The following HIPK3 variants were observed in gnomAD, a reference collection of about 807,000 sequenced individuals.
HIPK3 encodes the protein homeodomain interacting protein kinase 3.
Under a neutral mutation model 124.2 loss-of-function variants are expected in HIPK3, and 47 were observed. That is an observed-to-expected ratio of 0.38 (90% CI 0.30 to 0.48). The LOEUF (loss-of-function observed/expected upper bound fraction) is 0.48, where lower values mean the gene tolerates loss of function less well. Among genes scored for constraint, HIPK3 ranks in the 20% least tolerant of loss-of-function variants. The probability of loss-of-function intolerance (pLI) is 0.98; values close to 1 mark genes in which losing one functional copy is unlikely to be tolerated. For missense variants in HIPK3, 1,286 were observed against 1,454.3 expected (o/e 0.88, Z 1.88); for synonymous variants, 482 against 515.2 (o/e 0.94, Z 0.87).
At position 33,287,062 on chromosome 11, in the gene HIPK3, A is replaced by G; in HGVS notation, c.648A>G (p.Lys216=). 6.2e-7 allele frequency: 1 copy of G among 1,614,216 alleles called. No homozygotes were observed. Among genetic ancestry groups the G allele is most frequent in the Non-Finnish European group, 8.5e-7 (1 of 1,180,034 alleles). The part of the protein sequence containing the change: ...GTFGQVVKCW[K]RGTNEIVAIK... Reference sequence around the variant, plus strand: ...TTGGCCAGGTAGTTAAATGCTGGAAAAGAGGGACAAATGAAATTGTAGCAA... The same window carrying G: ...TTGGCCAGGTAGTTAAATGCTGGAAGAGAGGGACAAATGAAATTGTAGCAA... The change falls in exon 2 of 17, where the codon AAA becomes AAG. Residue 216 remains lysine, a synonymous_variant. Coordinates refer to ENST00000303296, the MANE Select transcript of HIPK3 (RefSeq NM_005734.5).
chr11:33,343,479 C>T (rs1042642527), intron 8 of HIPK3, among the ~76,000 whole-genome samples: 9 of 151,902 alleles, frequency 5.9e-5, no homozygotes, highest in Admixed American at 2.0e-4. Context: ...AGGGTTTCAC[C>T]ATGTTGGCCA....
At chr11:33,310,719 A>G (rs1030618038) in intron 2 of HIPK3, among the ~76,000 whole-genome samples, 1 of 152,248 alleles carries the variant, frequency 6.6e-6, no homozygotes, top group African/African-American at 2.4e-5. Context: ...GAGATAGTAC[A>G]AATAGTACAG....
At chr11:33,337,413 T>C (rs1315184102) in intron 4 of HIPK3, among the ~76,000 whole-genome samples, 2 of 152,142 alleles carry the variant, frequency 1.3e-5, no homozygotes, top group African/African-American at 4.8e-5. Flanking sequence ...TGGAGTGCAG[T>C]GGCGCCATCT....
intron 1 of HIPK3, chr11:33,258,411 C>T: frequency 2.0e-6 from 2 of 985,656 alleles, no homozygotes; most frequent in Non-Finnish European, 2.4e-6. Context: ...CTTTGTGGCC[C>T]CGTCCCCAGC....
rs1218020150 is a variant in HIPK3 at position 33,286,771 on chromosome 11, A to G, written c.357A>G (p.Leu119=). ...IGAWRNRLHF[L]EGPQRCGLKR... Reference sequence around the variant, plus strand: ...CGTGGCGAAACAGATTGCATTTCCTAGAAGGCCCCCAGCGATGTGGATTGA... The same window carrying G: ...CGTGGCGAAACAGATTGCATTTCCTGGAAGGCCCCCAGCGATGTGGATTGA... Residue 119 remains leucine (L), a synonymous_variant, in exon 2 of 17, where the codon CTA becomes CTG. Transcript: ENST00000303296. 2 of 1,614,098 alleles carry G rather than the reference A, an allele frequency of 1.2e-6. No homozygotes were observed. Among genetic ancestry groups the G allele is most frequent in the Admixed American group, 3.3e-5 (2 of 60,014 alleles).
rs1437791840 is a variant in HIPK3, at chr11:33,356,597, G to GA, written c.*3030dup. On this transcript the variant is annotated 3_prime_UTR_variant, in exon 17 of 17. Coordinates refer to ENST00000303296, the MANE Select transcript of HIPK3 (RefSeq NM_005734.5). ...TTAAAATCTGCTAATTTTAAACTTG[G>GA]ACTGTGTTAAGTAAAAGTTAAATCA... is the stretch of plus-strand genomic sequence containing the variant. The GA allele has an allele frequency of 6.6e-6, 1 of 151,806 alleles. No homozygotes were observed. The highest frequency in any genetic ancestry group is 2.4e-5 in the African/African-American group (1 of 41,356). The allele number at this position is 151,806 out of a possible 1,614,324, so 9.4% of individuals were successfully genotyped here.
intron 3 of HIPK3, chr11:33,335,893 C>T (rs1276280512): frequency 6.6e-6 from 1 of 152,112 alleles, no homozygotes; most frequent in Non-Finnish European, 1.5e-5. Flanking sequence ...CCCTGTTTAT[C>T]CCCCGTGTTT....
chr11:33,348,618 A>G lies in HIPK3; in HGVS notation c.2466A>G (p.Glu822=). 1 of 1,614,176 alleles carries G rather than the reference A, an allele frequency of 6.2e-7. No homozygotes were observed. Among genetic ancestry groups the G allele is most frequent in the Non-Finnish European group, 8.5e-7 (1 of 1,179,986 alleles). ...ATGTCGAGGAAGTAAGTTGTATAGA[A>G]ACACAGGACAATCAGAACTCAGAAG... ...GKDVEEVSCI[E]TQDNQNSEGE... Residue 822 remains glutamate, a synonymous_variant, in exon 13 of 17, where the codon GAA becomes GAG. Transcript: ENST00000303296.
chr11:33,311,930 C>CACACACACACT (rs1275166725), intron 2 of HIPK3, among the ~76,000 whole-genome samples: 1 of 143,906 alleles, frequency 6.9e-6, no homozygotes, highest in Non-Finnish European at 1.5e-5. Context: ...CACACACACA[C>CACACACACACT]ACACACTACA....
At chr11:33,293,757 T>G (rs766276170) in intron 2 of HIPK3, among the ~76,000 whole-genome samples, 2 of 152,180 alleles carry the variant, frequency 1.3e-5, no homozygotes, top group Admixed American at 6.5e-5. Context: ...CAAAATACTT[T>G]AGTGCCTCTA....
intron 1 of HIPK3, among the ~76,000 whole-genome samples, chr11:33,266,573 G>T (rs1045607129): frequency 1.3e-5 from 2 of 152,120 alleles, no homozygotes; most frequent in African/African-American, 4.8e-5. Flanking sequence ...CAGGCATGGT[G>T]GTGCATGCTT....
intron 3 of HIPK3, chr11:33,335,662 GAAGATATT>G (rs1309704357): frequency 6.6e-6 from 1 of 151,746 alleles, no homozygotes; most frequent in East Asian, 1.9e-4. Flanking sequence ...TTTTAGGATA[GAAGATATT>G]GAACATTTTT....
In HIPK3 at chr11:33,291,511, A is replaced by G. The variant is rs900024422; in HGVS notation, c.1097+4000A>G. Among the ~76,000 whole-genome samples the G allele has an allele frequency of 1.7e-4, 26 of 152,200 alleles. 1 individual carries two copies. Among genetic ancestry groups the G allele is most frequent in the African/African-American group, 6.0e-4 (25 of 41,448 alleles). ...CAGTGGCCAGAAATTGTTGACTACT[A>G]TAGATGGTGAGGCTGTCTAACTCTT... On this transcript the variant is annotated intron_variant, in intron 2 of 16. Transcript: ENST00000303296.
chr11:33,258,171 G>C (rs998613327), intron 1 of HIPK3, among the ~76,000 whole-genome samples: 1 of 152,106 alleles, frequency 6.6e-6, no homozygotes, highest in Non-Finnish European at 1.5e-5. Context: ...GTAGCCTCCG[G>C]GAAGCCGCGC....
intron 1 of HIPK3, among the ~76,000 whole-genome samples, chr11:33,263,062 G>A (rs1456430052): frequency 6.6e-6 from 1 of 152,142 alleles, no homozygotes; most frequent in Non-Finnish European, 1.5e-5. Flanking sequence ...TAGAGACGGG[G>A]TTGTGCTTTG....
intron 2 of HIPK3, among the ~76,000 whole-genome samples, chr11:33,300,781 C>G (rs572490437): frequency 1.3e-5 from 2 of 152,234 alleles, no homozygotes; most frequent in South Asian, 4.1e-4. Flanking sequence ...GTCACCCAGA[C>G]TGGAGTACAG....
chr11:33,289,387 G>A (rs553770327), intron 2 of HIPK3, among the ~76,000 whole-genome samples: 2 of 152,212 alleles, frequency 1.3e-5, no homozygotes, highest in East Asian at 3.9e-4. Context: ...AGAGGCTACA[G>A]TGAGCTATGA....
intron 2 of HIPK3, among the ~76,000 whole-genome samples, chr11:33,326,354 G>A (rs1590403607): frequency 6.6e-6 from 1 of 152,178 alleles, no homozygotes; most frequent in East Asian, 1.9e-4. Flanking sequence ...TGCCTTAGGA[G>A]ATGACAACCC....
chr11:33,296,721 G>A (rs1274440614), intron 2 of HIPK3, among the ~76,000 whole-genome samples: 2 of 152,208 alleles, frequency 1.3e-5, no homozygotes, highest in African/African-American at 2.4e-5. Context: ...GATGGTGAAC[G>A]TAATAAATGT....
Sources: allele counts gnomAD v4.1 joint callset (sites outside exome capture counted in the v4.1 genomes callset), GRCh38; gene constraint gnomAD v4.1.1; transcripts MANE v1.5; gene names NCBI Gene and HGNC (gene_info 2026-07-23, HGNC 2026-07-21).